The following CACNA2D1 variants were observed in gnomAD, a reference collection of about 807,000 sequenced individuals.
The protein encoded by CACNA2D1 is calcium voltage-gated channel auxiliary subunit alpha2delta 1.
A neutral mutation model predicts 171.5 loss-of-function variants in CACNA2D1; 53 were observed. That is an observed-to-expected ratio of 0.31 (90% confidence interval 0.25 to 0.39). The LOEUF is 0.39. CACNA2D1 is among the 10% of genes least tolerant of loss of function. The pLI, the probability that CACNA2D1 is intolerant of heterozygous loss-of-function variation, is 1.00. For missense variants in CACNA2D1, 903 were observed against 1,299.8 expected, an observed-to-expected ratio of 0.69 and a Z score of 4.69; for synonymous variants, 442 against 443.1, an observed-to-expected ratio of 1.00 and a Z score of 0.03.
chr7:82,352,402 C>T (rs1819948742), intron 1 of CACNA2D1, among the ~76,000 whole-genome samples: 1 of 152,228 alleles, frequency 6.6e-6, no homozygotes, highest in Non-Finnish European at 1.5e-5. Flanking sequence ...AATATGTAAT[C>T]GCTAAGCACT....
chr7:81,961,818 T>C (rs1794160403), intron 36 of CACNA2D1, 76 bp downstream of exon 36: 2 of 117,240 alleles, frequency 1.7e-5, no homozygotes, highest in Non-Finnish European at 2.4e-5. Context: ...TAACAGTATA[T>C]ACAATTTCTT....
intron 1 of CACNA2D1, among the ~76,000 whole-genome samples, chr7:82,434,962 G>GA (rs1272821123): frequency 1.4e-5 from 2 of 147,158 alleles, no homozygotes; most frequent in East Asian, 4.0e-4. Context: ...TTAAATAAAT[G>GA]AAAAAAATCC....
At chr7:82,076,977 A>C (rs2129000268) in intron 7 of CACNA2D1, among the ~76,000 whole-genome samples, 1 of 152,262 alleles carries the variant, frequency 6.6e-6, no homozygotes, top group East Asian at 1.9e-4. Flanking sequence ...ATATGACTCT[A>C]ATCCATAATT....
At chr7:82,115,208 AAGG>A (rs1186939657) in intron 6 of CACNA2D1, among the ~76,000 whole-genome samples, 2 of 152,170 alleles carry the variant, frequency 1.3e-5, no homozygotes, top group Non-Finnish European at 2.9e-5. Flanking sequence ...AAAGATACAG[AAGG>A]AGATTATTAT....
At chr7:82,123,565 C>T (rs1789990350) in intron 5 of CACNA2D1, among the ~76,000 whole-genome samples, 1 of 152,182 alleles carries the variant, frequency 6.6e-6, no homozygotes, top group Non-Finnish European at 1.5e-5. Flanking sequence ...TTTACAGCAG[C>T]TCCTTCACAG....
intron 3 of CACNA2D1, among the ~76,000 whole-genome samples, chr7:82,320,943 T>TTATATATATATAAAGCCATTTA (rs1554510298): frequency 2.0e-5 from 3 of 151,894 alleles, no homozygotes; most frequent in Admixed American, 6.6e-5. Context: ...ATAAAGCCAT[T>TTATATATATATAAAGCCATTTA]TATATATATA....
rs1226139707 is a variant in CACNA2D1 at position 81,978,751 on chromosome 7, G to GTA, written c.1955+3815_1955+3816insTA. Among the ~76,000 whole-genome samples the GTA allele has an allele frequency of 7.1e-5, 3 of 42,514 alleles. No homozygotes were observed. In the South Asian group the frequency reaches 2.2e-3, roughly 31 times the overall value. The allele number at this position is 42,514 out of a possible 152,430, so 27.9% of individuals were successfully genotyped here. On this transcript the variant is annotated intron_variant, in intron 24 of 38. Coordinates refer to ENST00000356860, the MANE Select transcript of CACNA2D1 (RefSeq NM_000722.4). ...AGTTAAAGTAAATTTTTTTTAAAAA[G>GTA]TGTATATATATATATATATACACAC...
chr7:82,255,094 G>A (rs1188497593), intron 3 of CACNA2D1, among the ~76,000 whole-genome samples: 2 of 151,952 alleles, frequency 1.3e-5, no homozygotes, highest in East Asian at 1.9e-4. Context: ...TGTCCTTTAG[G>A]TACTCAAATC....
In CACNA2D1 at chr7:82,299,672, A is replaced by G. The variant is rs373717022; in HGVS notation, c.294+35463T>C. ...AAGACTCTATCTCAAAAAAAAAAAA[A>G]AAAGTTAGATGAGAGTAGAATGCAT... On this transcript the variant is annotated intron_variant, in intron 3 of 38. Coordinates refer to ENST00000356860, the MANE Select transcript of CACNA2D1 (RefSeq NM_000722.4). Among the ~76,000 whole-genome samples, 55 of 152,148 alleles carry G rather than the reference A, an allele frequency of 3.6e-4. No individual in the cohort carries two copies. The East Asian group carries it at 7.4e-3, about 20-fold the overall frequency.
chr7:81,975,013 C>A (rs1795688175), intron 24 of CACNA2D1, among the ~76,000 whole-genome samples: 2 of 151,324 alleles, frequency 1.3e-5, no homozygotes, highest in Non-Finnish European at 2.9e-5. Context: ...GCACATGTAT[C>A]CCTGAACTTA....
intron 6 of CACNA2D1, among the ~76,000 whole-genome samples, chr7:82,106,154 T>C (rs571275170): frequency 6.6e-6 from 1 of 152,294 alleles, no homozygotes; most frequent in East Asian, 1.9e-4. Flanking sequence ...TTAAAATCTT[T>C]GTCGTTTTAA....
chr7:82,285,626 TA>T (rs1180101592), intron 3 of CACNA2D1, among the ~76,000 whole-genome samples: 2 of 152,184 alleles, frequency 1.3e-5, no homozygotes, highest in African/African-American at 4.8e-5. Context: ...ATTAGTGGAC[TA>T]TATGTAACAT....
chr7:82,396,339 A>G (rs1010703489), intron 1 of CACNA2D1, among the ~76,000 whole-genome samples: 1 of 152,178 alleles, frequency 6.6e-6, no homozygotes, highest in African/African-American at 2.4e-5. Context: ...AAAAATTAAA[A>G]AATACATAAA....
intron 1 of CACNA2D1, among the ~76,000 whole-genome samples, chr7:82,409,940 G>C (rs1025150558): frequency 6.6e-6 from 1 of 152,114 alleles, no homozygotes; most frequent in African/African-American, 2.4e-5. Flanking sequence ...ACACGCTACG[G>C]TACTGAATAC....
chr7:82,279,119 A>G (rs1809742771), intron 3 of CACNA2D1, among the ~76,000 whole-genome samples: 1 of 152,216 alleles, frequency 6.6e-6, no homozygotes, highest in South Asian at 2.1e-4. Context: ...TTGCAGGCCA[A>G]CTACATGGTC....
chr7:82,280,829 G>A (rs779156468), intron 3 of CACNA2D1, among the ~76,000 whole-genome samples: 2 of 151,990 alleles, frequency 1.3e-5, no homozygotes, highest in Non-Finnish European at 2.9e-5. Context: ...CTACAGACAC[G>A]TGCACCAGTG....
At chr7:81,955,850 T>C (rs1042647488) in intron 38 of CACNA2D1, among the ~76,000 whole-genome samples, 1 of 133,052 alleles carries the variant, frequency 7.5e-6, no homozygotes, top group Non-Finnish European at 1.5e-5. Flanking sequence ...ATTGCCATGA[T>C]AGATTTATAA....
chr7:81,977,275 C>T (rs746820777), intron 24 of CACNA2D1, among the ~76,000 whole-genome samples: 30 of 152,112 alleles, frequency 2.0e-4, no homozygotes, highest in Admixed American at 3.9e-4. Flanking sequence ...TGCTGAATTT[C>T]GTCGAAGGCC....
At chr7:81,964,962 G>C (rs1794555845) in intron 32 of CACNA2D1, among the ~76,000 whole-genome samples, 1 of 151,756 alleles carries the variant, frequency 6.6e-6, no homozygotes, top group Non-Finnish European at 1.5e-5. Flanking sequence ...ATGGAAAAGT[G>C]GCATAAATGA....
Sources: allele counts gnomAD v4.1 joint callset (sites outside exome capture counted in the v4.1 genomes callset), GRCh38; gene constraint gnomAD v4.1.1; transcripts MANE v1.5; gene names NCBI Gene and HGNC (gene_info 2026-07-23, HGNC 2026-07-21).